Variants in SASH1 observed in about 807,000 individuals in gnomAD.
SASH1 encodes the protein SAM and SH3 domain containing 1, also known as SAM and SH3 domain-containing protein 1.
Under a neutral mutation model 125.2 loss-of-function variants are expected in SASH1, and 44 were observed. The ratio of observed to expected loss-of-function variants is 0.35; its 90% CI spans 0.28 to 0.45. The LOEUF (loss-of-function observed/expected upper bound fraction) is 0.45, where lower values mean the gene tolerates loss of function less well. Among genes scored for constraint, SASH1 ranks in the 20% least tolerant of loss-of-function variants. The pLI is 1.00. For missense variants in SASH1, 1,426 were observed against 1,614.5 expected (o/e 0.88, Z 2.00); for synonymous variants, 639 against 649.1 (o/e 0.98, Z 0.24).
At position 148,532,213 on chromosome 6, in the gene SASH1, A is replaced by G. The variant is rs1781560744; in HGVS notation, c.1564+552A>G. Among the ~76,000 whole-genome samples the G allele has an allele frequency of 6.6e-6, 1 of 151,934 alleles. No individual in the cohort carries two copies. Among genetic ancestry groups the G allele is most frequent in the South Asian group, 2.1e-4 (1 of 4,810 alleles). ...CTGCCTCAGCCTTCCGCATAGCTGT[A>G]CTACAGGGTCATGCCACCACACCCG... On this transcript the variant is annotated intron_variant, in intron 13 of 19. Transcript: ENST00000367467. The surrounding 1 kb of genome is among the most constrained non-coding windows in gnomAD (Gnocchi z 4.7).
Position 148,548,385 on chromosome 6 carries a change from C to G in SASH1, c.3571C>G (p.Leu1191Val), listed in dbSNP as rs1183325542. The change falls in exon 20 of 20, where the codon CTG (leucine) becomes GTG (valine). Residue 1191 changes from leucine (L) to valine (V), a missense_variant. Physicochemically the swap from Leu to Val is conservative, Grantham distance 32. This residue lies in a region of SASH1 where 634 missense variants were observed against 694.4 expected (regional missense o/e 0.91). Transcript: ENST00000367467. ...SVSDWLISIG[L>V]PMYAGTLSTA... ...GTCAGATTGGCTCATTTCCATCGGTCTGCCCATGTACGCCGGCACCCTCTC... is the reference window on the plus strand; with the variant it reads ...GTCAGATTGGCTCATTTCCATCGGTGTGCCCATGTACGCCGGCACCCTCTC... 1.9e-6 allele frequency: 3 copies of G among 1,614,118 alleles called. No individual in the cohort carries two copies. The South Asian group carries it at 3.3e-5, about 18-fold the overall frequency.
intron 1 of SASH1, among the ~76,000 whole-genome samples, chr6:148,334,593 C>T (rs910147909): frequency 6.6e-6 from 1 of 151,924 alleles, no homozygotes; most frequent in Non-Finnish European, 1.5e-5. Flanking sequence ...AGGCGGATCA[C>T]CTGAGGTCAG....
At chr6:148,517,485 G>A (rs1393290928) in intron 9 of SASH1, among the ~76,000 whole-genome samples, 4 of 152,162 alleles carry the variant, frequency 2.6e-5, no homozygotes, top group Non-Finnish European at 5.9e-5. Flanking sequence ...CAGTAGGGGA[G>A]TTGTACGCTC....
chr6:148,232,335 C>T, the SASH1 span, among the ~76,000 whole-genome samples: 1,475 of 152,218 alleles, frequency 9.7e-3, 62 homozygotes, highest in Admixed American at 0.075. Flanking sequence ...GAAAAACAAG[C>T]TCATCCATTC....
chr6:148,487,856 T>G, intron 8 of SASH1, 141 bp downstream of exon 8: 1 of 552,328 alleles, frequency 1.8e-6, no homozygotes, highest in Non-Finnish European at 3.2e-6. Flanking sequence ...ATAGATTGCT[T>G]ATTTTCTCTA....
intron 11 of SASH1, among the ~76,000 whole-genome samples, chr6:148,526,571 T>C (rs1473345411): frequency 6.6e-6 from 1 of 152,254 alleles, no homozygotes; most frequent in Non-Finnish European, 1.5e-5. Context: ...CCAATAGTTT[T>C]CTGCTGTCAA....
intron 10 of SASH1, among the ~76,000 whole-genome samples, chr6:148,523,800 G>C (rs1467237746): frequency 6.6e-6 from 1 of 152,162 alleles, no homozygotes; most frequent in African/African-American, 2.4e-5. Context: ...CTCAACTTCA[G>C]TATAACAGCT....
chr6:148,265,295 A>G, the SASH1 span, among the ~76,000 whole-genome samples: 14 of 150,296 alleles, frequency 9.3e-5, no homozygotes, highest in African/African-American at 3.4e-4. Flanking sequence ...AGGTGATAAA[A>G]CAAGACCCTG....
the SASH1 span, among the ~76,000 whole-genome samples, chr6:148,241,750 T>C: frequency 1.3e-5 from 2 of 152,206 alleles, no homozygotes; most frequent in Non-Finnish European, 1.5e-5. Context: ...ATTAGCTCTG[T>C]GACCTTGGGA....
chr6:148,399,418 G>A (rs1051990713), intron 2 of SASH1, among the ~76,000 whole-genome samples: 1 of 151,816 alleles, frequency 6.6e-6, no homozygotes, highest in African/African-American at 2.4e-5. Flanking sequence ...TAGAGATGAG[G>A]TTTCACCATG....
chr6:148,533,091 T>A lies in SASH1; in HGVS notation c.1734+125T>A. ...CAGACTGGACAGTATCTTGGCTACCTCGATCACTGGTCTCCTCTGTAGTGA... is the reference window on the plus strand; with the variant it reads ...CAGACTGGACAGTATCTTGGCTACCACGATCACTGGTCTCCTCTGTAGTGA... On this transcript the variant is annotated intron_variant, in intron 14 of 19. Coordinates refer to ENST00000367467, the MANE Select transcript of SASH1 (RefSeq NM_015278.5). The surrounding 1 kb of genome is among the most constrained non-coding windows in gnomAD (Gnocchi z 6.2). The A allele has an allele frequency of 1.9e-6, 2 of 1,037,120 alleles. No individual in the cohort carries two copies. Among genetic ancestry groups the A allele is most frequent in the Non-Finnish European group, 2.9e-6 (2 of 700,304 alleles). The allele number at this position is 1,037,120 out of a possible 1,614,324, so 64.2% of individuals were successfully genotyped here.
At position 148,543,151 on chromosome 6, in the gene SASH1, G is replaced by A. The variant is rs573988977; in HGVS notation, c.2210-529G>A. Among the ~76,000 whole-genome samples the A allele has an allele frequency of 8.4e-4, 128 of 152,302 alleles. 1 individual carries two copies. Among genetic ancestry groups the A allele is most frequent in the African/African-American group, 2.8e-3 (115 of 41,566 alleles). ...CAAAAGTTTACCTGTCTGTGTCCAG[G>A]TTGGTTGATTGCTTCTAGGATAAAC... On this transcript the variant is annotated intron_variant, in intron 17 of 19. Transcript: ENST00000367467.
intron 2 of SASH1, among the ~76,000 whole-genome samples, chr6:148,417,925 A>G (rs536225020): frequency 1.3e-5 from 2 of 152,228 alleles, no homozygotes; most frequent in Non-Finnish European, 2.9e-5. Flanking sequence ...GATGGTTATG[A>G]TGAACCAGAA....
chr6:148,290,470 G>A (rs1779600335), intron 1 of SASH1, among the ~76,000 whole-genome samples: 1 of 151,866 alleles, frequency 6.6e-6, no homozygotes, highest in Non-Finnish European at 1.5e-5. Context: ...GCCGGGCGTG[G>A]TGGCAGGCGG....
chr6:148,196,486 C>A, the SASH1 span, among the ~76,000 whole-genome samples: 3 of 152,204 alleles, frequency 2.0e-5, no homozygotes, highest in African/African-American at 7.2e-5. Context: ...AGTGGTAACT[C>A]TCTGCATAGT....
At chr6:148,514,272 G>T in intron 8 of SASH1, 52 bp from the exon 9 acceptor site, 1 of 1,573,886 alleles carries the variant, frequency 6.4e-7, no homozygotes, top group Non-Finnish European at 8.6e-7. Context: ...AGCCACACGG[G>T]CAAAGCTCGG....
chr6:148,266,704 G>A, the SASH1 span, among the ~76,000 whole-genome samples: 2 of 152,024 alleles, frequency 1.3e-5, no homozygotes, highest in Admixed American at 6.6e-5. Context: ...GGGCTCAAGT[G>A]ATCCTCCCAC....
rs1782382412 is a variant in SASH1, at chr6:148,543,954, C to A, written c.2484C>A (p.Pro828=). ...GGAGCTGTGAGACCCTGGAGGGCCC[C>A]CAGACTGTGGACACTTGGCCCCGAT... ...ICRSCETLEG[P]QTVDTWPRSH... Residue 828 remains proline (P), a synonymous_variant, in exon 18 of 20, where the codon CCC becomes CCA. Transcript: ENST00000367467. 1 of 1,614,050 alleles carries A rather than the reference C, an allele frequency of 6.2e-7. No individual in the cohort carries two copies. The highest frequency in any genetic ancestry group is 1.3e-5 in the African/African-American group (1 of 74,916).
chr6:148,388,763 T>C (rs1366704071), intron 1 of SASH1, among the ~76,000 whole-genome samples: 1 of 152,246 alleles, frequency 6.6e-6, no homozygotes, highest in Non-Finnish European at 1.5e-5. Flanking sequence ...CCTGCTTGCA[T>C]CTAAGCCTGC....
Sources: gnomAD v4.1 joint callset for allele counts (sites outside exome capture counted in the v4.1 genomes callset) on GRCh38, gnomAD v4.1.1 for gene constraint, gnomAD v4.1.1 regional missense constraint, Gnocchi (gnomAD v3.1) non-coding constraint, MANE v1.5 for transcripts, NCBI Gene and HGNC (gene_info 2026-07-23, HGNC 2026-07-21) for gene names.